The following PRKN variants were observed in gnomAD, a reference collection of about 807,000 sequenced individuals.
PRKN encodes the protein E3 ubiquitin-protein ligase parkin.
PRKN carries 56 observed loss-of-function variants against 59.5 expected under a neutral mutation model. The ratio of observed to expected loss-of-function variants is 0.94; its 90% CI spans 0.76 to 1.18. The LOEUF (loss-of-function observed/expected upper bound fraction) is 1.18. PRKN is among the 50% of genes most tolerant of loss of function. The pLI, the probability that PRKN is intolerant of heterozygous loss-of-function variation, is 0.00. For missense variants in PRKN, 657 were observed against 596.4 expected, an observed-to-expected ratio of 1.10 and a Z score of -1.06; for synonymous variants, 250 against 222.1, an observed-to-expected ratio of 1.13 and a Z score of -1.12.
rs1045224928 is a variant in PRKN, at chr6:161,357,886, A to G, written c.1285+2202T>C. ...TGTTACTCCTCCTGCCCATGCTGTGAGGAAGTCCCATTGAAACCCATCTTA... is the reference window on the plus strand; with the variant it reads ...TGTTACTCCTCCTGCCCATGCTGTGGGGAAGTCCCATTGAAACCCATCTTA... On this transcript the variant is annotated intron_variant, in intron 11 of 11. Coordinates refer to ENST00000366898, the MANE Select transcript of PRKN (RefSeq NM_004562.3). The surrounding 1 kb of genome is among the most constrained non-coding windows in gnomAD (Gnocchi z 5.5). Among the ~76,000 whole-genome samples, 2 of 152,206 alleles carry G rather than the reference A, an allele frequency of 1.3e-5. No individual in the cohort carries two copies. Among genetic ancestry groups the G allele is most frequent in the African/African-American group, 4.8e-5 (2 of 41,454 alleles).
chr6:161,787,566 C>G (rs1009020691), intron 6 of PRKN, among the ~76,000 whole-genome samples: 1 of 152,206 alleles, frequency 6.6e-6, no homozygotes, highest in Admixed American at 6.5e-5. Flanking sequence ...AGACTAAAAC[C>G]TTTATAGACC....
At position 162,056,317 on chromosome 6, in the gene PRKN, G is replaced by A. The variant is rs187398518; in HGVS notation, c.535-2143C>T. On this transcript the variant is annotated intron_variant, in intron 4 of 11. Coordinates refer to ENST00000366898, the MANE Select transcript of PRKN (RefSeq NM_004562.3). The surrounding 1 kb of genome is among the most constrained non-coding windows in gnomAD (Gnocchi z 4.9). The stretch of plus-strand genomic sequence containing the variant: ...ATGCATAAACACACCACGCACACAC[G>A]CACACACACACAATACCACACAGCA... Among the ~76,000 whole-genome samples the A allele has an allele frequency of 3.5e-4, 52 of 148,352 alleles. No individual in the cohort carries two copies. Among genetic ancestry groups the A allele is most frequent in the Middle Eastern group, 3.5e-3 (1 of 284 alleles).
chr6:162,304,493 A>T (rs1390745126), intron 2 of PRKN, among the ~76,000 whole-genome samples: 4 of 29,438 alleles, frequency 1.4e-4, no homozygotes, highest in Admixed American at 6.6e-4. Flanking sequence ...ATCCAGTTCT[A>T]TCTATCTATC....
At chr6:162,465,205 T>C (rs1791360987) in intron 1 of PRKN, among the ~76,000 whole-genome samples, 1 of 152,232 alleles carries the variant, frequency 6.6e-6, no homozygotes, top group South Asian at 2.1e-4. Context: ...CTGTCCAAGC[T>C]TGCATGCAAC....
chr6:161,489,885 T>C (rs959800505), intron 9 of PRKN, among the ~76,000 whole-genome samples: 1 of 152,222 alleles, frequency 6.6e-6, no homozygotes, highest in Non-Finnish European at 1.5e-5. Flanking sequence ...TGTTGCTGAT[T>C]ATGCTAACAC....
At chr6:161,916,332 A>G (rs1418745573) in intron 6 of PRKN, among the ~76,000 whole-genome samples, 2 of 152,244 alleles carry the variant, frequency 1.3e-5, no homozygotes, top group African/African-American at 2.4e-5. Flanking sequence ...CAAAGACAAT[A>G]AAAAATTTTT....
intron 2 of PRKN, among the ~76,000 whole-genome samples, chr6:162,312,001 C>T (rs1782538423): frequency 6.6e-6 from 1 of 152,042 alleles, no homozygotes; most frequent in Non-Finnish European, 1.5e-5. Flanking sequence ...TACACGTACA[C>T]ACTTATACAC....
At position 162,028,480 on chromosome 6, in the gene PRKN, G is replaced by A. The variant is rs1241983468; in HGVS notation, c.618+25611C>T. Reference sequence around the variant, plus strand: ...TCCATTGATGACGGAGCCCTGGGCCGGCTGCTGTGTGCTCCTGTGGAGGTG... The same window carrying A: ...TCCATTGATGACGGAGCCCTGGGCCAGCTGCTGTGTGCTCCTGTGGAGGTG... On this transcript the variant is annotated intron_variant, in intron 5 of 11. Coordinates refer to ENST00000366898, the MANE Select transcript of PRKN (RefSeq NM_004562.3). Among the ~76,000 whole-genome samples, 4 of 152,198 alleles carry A rather than the reference G, an allele frequency of 2.6e-5. 1 individual carries two copies. Among genetic ancestry groups the A allele is most frequent in the South Asian group, 4.1e-4 (2 of 4,830 alleles).
Position 162,098,800 on chromosome 6 carries a change from C to T in PRKN, c.535-44626G>A, listed in dbSNP as rs181113886. On this transcript the variant is annotated intron_variant, in intron 4 of 11. Transcript: ENST00000366898. ...CTTGTCCAGTACTCATTCCTCAGTA[C>T]GTTGGCTTGAAAAGGACTTAGCCTT... Among the ~76,000 whole-genome samples, 476 of 152,224 alleles carry T rather than the reference C, an allele frequency of 3.1e-3. 2 individuals are homozygous for T. The highest frequency in any genetic ancestry group is 4.9e-3 in the Non-Finnish European group (336 of 68,026).
At chr6:161,800,165 C>T (rs1344932461) in intron 6 of PRKN, among the ~76,000 whole-genome samples, 2 of 152,108 alleles carry the variant, frequency 1.3e-5, no homozygotes, top group Non-Finnish European at 2.9e-5. Context: ...AAGGGAGATG[C>T]ATGGACATGG....
At chr6:161,639,092 A>G (rs898257826) in intron 7 of PRKN, among the ~76,000 whole-genome samples, 6 of 152,072 alleles carry the variant, frequency 3.9e-5, no homozygotes, top group Non-Finnish European at 7.4e-5. Flanking sequence ...TGCTGCCGCC[A>G]TGTGAAGAAG....
intron 6 of PRKN, among the ~76,000 whole-genome samples, chr6:161,787,673 G>T (rs1218568285): frequency 6.6e-6 from 1 of 152,208 alleles, no homozygotes; most frequent in Non-Finnish European, 1.5e-5. Flanking sequence ...GAGGCCAGGC[G>T]TGGTGGCTCA....
At chr6:162,693,887 T>C (rs1261013174) in intron 1 of PRKN, among the ~76,000 whole-genome samples, 2 of 152,206 alleles carry the variant, frequency 1.3e-5, no homozygotes, top group African/African-American at 4.8e-5. Flanking sequence ...AAGCATACTA[T>C]AAATATCTCT....
rs913705589 is a variant in PRKN, at chr6:161,526,982, C to A, written c.1083+21872G>T. 5.3e-5 allele frequency among the ~76,000 whole-genome samples: 8 copies of A among 152,070 alleles called. No homozygotes were observed. Among genetic ancestry groups the A allele is most frequent in the Non-Finnish European group, 1.0e-4 (7 of 68,014 alleles). On this transcript the variant is annotated intron_variant, in intron 9 of 11. Coordinates refer to ENST00000366898, the MANE Select transcript of PRKN (RefSeq NM_004562.3). The surrounding 1 kb of genome is among the most constrained non-coding windows in gnomAD (Gnocchi z 4.1). ...GTGAGGGGAGGAAATGTATGATGAA[C>A]AAAGGCTATCTTGTTATACCGATAG...
At chr6:161,831,631 C>T (rs1792502793) in intron 6 of PRKN, among the ~76,000 whole-genome samples, 1 of 152,190 alleles carries the variant, frequency 6.6e-6, no homozygotes, top group Non-Finnish European at 1.5e-5. Context: ...CTTTGCCTCT[C>T]TTAACATTTT....
chr6:162,431,130 TAGAG>T (rs1172816593), intron 2 of PRKN, among the ~76,000 whole-genome samples: 1 of 151,860 alleles, frequency 6.6e-6, no homozygotes, highest in Non-Finnish European at 1.5e-5. Flanking sequence ...TTTGTATTTA[TAGAG>T]AGTCAGTTTA....
At chr6:161,901,632 A>G (rs1417062680) in intron 6 of PRKN, among the ~76,000 whole-genome samples, 3 of 152,230 alleles carry the variant, frequency 2.0e-5, no homozygotes, top group South Asian at 2.1e-4. Flanking sequence ...AACAGATTAC[A>G]AACAATGGAG....
chr6:161,529,909 C>T lies in PRKN; in HGVS notation c.1083+18945G>A, dbSNP rs140127344. 1.3e-3 allele frequency among the ~76,000 whole-genome samples: 205 copies of T among 152,214 alleles called. 2 individuals are homozygous for T. The East Asian group carries it at 0.034, about 25-fold the overall frequency. On this transcript the variant is annotated intron_variant, in intron 9 of 11. Transcript: ENST00000366898. The surrounding 1 kb of genome is among the most constrained non-coding windows in gnomAD (Gnocchi z 4.4). ...ATGTCAATCCTTGAGGGACCAGTTC[C>T]TTTTCCACGGCATATATAATAAAAT...
At chr6:162,683,985 T>A (rs909278607) in intron 1 of PRKN, among the ~76,000 whole-genome samples, 5 of 152,098 alleles carry the variant, frequency 3.3e-5, no homozygotes, top group Non-Finnish European at 7.4e-5. Context: ...GAAATAAGAA[T>A]GCAATTCACC....
Sources: allele counts gnomAD v4.1 joint callset (sites outside exome capture counted in the v4.1 genomes callset), GRCh38; gene constraint gnomAD v4.1.1; non-coding constraint Gnocchi (gnomAD v3.1); transcripts MANE v1.5; gene names NCBI Gene and HGNC (gene_info 2026-07-23, HGNC 2026-07-21).